PASK: variants seen among roughly 807,000 people sequenced by gnomAD.
The protein encoded by PASK is PAS domain-containing serine/threonine-protein kinase.
Under a neutral mutation model 121.0 loss-of-function variants are expected in PASK, and 110 were observed. That is an observed-to-expected ratio of 0.91 (90% confidence interval 0.78 to 1.06). The LOEUF is 1.06. Among genes scored for constraint, PASK ranks in the 50% least tolerant of loss-of-function variants. The probability of loss-of-function intolerance (pLI) is 0.00; values close to 1 mark genes in which losing one functional copy is unlikely to be tolerated. For synonymous variants in PASK, 686 were observed against 717.8 expected (o/e 0.96, Z 0.71); for missense variants, 1,643 against 1,702.3 (o/e 0.97, Z 0.61).
At chr2:241,128,343 G>A (rs146921869) in intron 9 of PASK, among the ~76,000 whole-genome samples, 130 of 152,308 alleles carry the variant, frequency 8.5e-4, no homozygotes, top group Middle Eastern at 3.4e-3. Flanking sequence ...GGTGAGGGCG[G>A]CTCCTAAGAG....
intron 1 of PASK, among the ~76,000 whole-genome samples, chr2:241,147,619 T>C (rs551034359): frequency 1.3e-5 from 2 of 152,098 alleles, no homozygotes; most frequent in Admixed American, 6.5e-5. Context: ...AGACCCTGTC[T>C]CAAAAAATAA....
At chr2:241,114,271 C>T in intron 14 of PASK, 10 of 985,376 alleles carry the variant, frequency 1.0e-5, no homozygotes, top group Non-Finnish European at 1.1e-5. Flanking sequence ...AACCCAACAA[C>T]CCGAGAGTGT....
In PASK at chr2:241,112,101, T is replaced by C; in HGVS notation, c.3533+139A>G. 2 of 735,410 alleles carry C rather than the reference T, an allele frequency of 2.7e-6. No individual in the cohort carries two copies. Among genetic ancestry groups the C allele is most frequent in the Middle Eastern group, 7.0e-4 (2 of 2,860 alleles). 45.6% of individuals were successfully genotyped at this position (735,410 alleles called of 1,614,324 possible). ...TGACCTTGCCTGCCTGCCCACTTAC[T>C]TTCCAGCATATCACCCTGACCACTC... On this transcript the variant is annotated intron_variant, in intron 15 of 17. Coordinates refer to ENST00000234040, the MANE Select transcript of PASK (RefSeq NM_015148.4). This position sits in a 1 kb window ranked among gnomAD's most constrained non-coding sequence, Gnocchi z 5.2.
Position 241,138,717 on chromosome 2 carries a change from T to C in PASK, c.678A>G (p.Leu226=), listed in dbSNP as rs765429138. Residue 226 remains leucine, a synonymous_variant, in exon 5 of 18, where the codon CTA becomes CTG. Coordinates refer to ENST00000234040, the MANE Select transcript of PASK (RefSeq NM_015148.4). The stretch of plus-strand genomic sequence containing the variant: ...CGGGCTCCAGGACCACCACGCAGCA[T>C]AGGCGGCGCTCCTGCCGCATCCTCT... ...WMKRMRQERR[L]CCVVVLEPVE... 6.8e-6 allele frequency: 11 copies of C among 1,614,106 alleles called. No homozygotes were observed. The South Asian group carries it at 7.7e-5, about 11-fold the overall frequency.
At chr2:241,143,803 TG>T in intron 1 of PASK, among the ~76,000 whole-genome samples, 1 of 152,228 alleles carries the variant, frequency 6.6e-6, no homozygotes, top group Admixed American at 6.5e-5. Flanking sequence ...CGACCAGCTG[TG>T]CACAGAATCA....
intron 10 of PASK, among the ~76,000 whole-genome samples, chr2:241,124,690 C>T (rs771747398): frequency 1.5e-4 from 23 of 152,216 alleles, no homozygotes; most frequent in Non-Finnish European, 2.9e-4. Context: ...GGTTAGCTTT[C>T]TTTGGTGGTG....
At chr2:241,132,163 T>C (rs1412058219) in intron 9 of PASK, among the ~76,000 whole-genome samples, 1 of 152,170 alleles carries the variant, frequency 6.6e-6, no homozygotes, top group African/African-American at 2.4e-5. Context: ...ATTTCTACTT[T>C]TCCAAATGTT....
intron 14 of PASK, chr2:241,113,859 A>G (rs2065213774): frequency 1.0e-6 from 1 of 985,450 alleles, no homozygotes; most frequent in Non-Finnish European, 1.2e-6. Context: ...CTGACAGGCA[A>G]TGCCCTGAGA....
rs1266600236 is a variant in PASK, at chr2:241,139,406, C to T, written c.600+479G>A. On this transcript the variant is annotated intron_variant, in intron 4 of 17. Transcript: ENST00000234040. ...GCTCAGTCCTCCACATCCAACTCAG[C>T]TCACCTGTCAACATCCAGGTTGGAC... The T allele has an allele frequency of 2.8e-5, 12 of 425,842 alleles. No homozygotes were observed. The Admixed American group carries it at 3.0e-4, about 11-fold the overall frequency. The allele number at this position is 425,842 out of a possible 1,614,324, so 26.4% of individuals were successfully genotyped here. A position where few individuals can be genotyped will look rare whatever the true frequency, so the allele number is the denominator to read the frequency against.
chr2:241,115,616 GACACCCA>G (rs2065301849), intron 12 of PASK, among the ~76,000 whole-genome samples: 3 of 148,360 alleles, frequency 2.0e-5, no homozygotes, highest in Non-Finnish European at 3.0e-5. Context: ...TTACACCAGG[GACACCCA>G]GTCCTCAAGC....
chr2:241,123,867 G>A (rs529321447), intron 11 of PASK, 82 bp downstream of exon 11: 2 of 1,186,862 alleles, frequency 1.7e-6, no homozygotes, highest in African/African-American at 1.5e-5. Context: ...CGTCCCCAAG[G>A]AAACAGAGAG....
chr2:241,113,865 T>C, intron 14 of PASK: 1 of 985,430 alleles, frequency 1.0e-6, no homozygotes, highest in Non-Finnish European at 1.2e-6. Flanking sequence ...GGCAATGCCC[T>C]GAGAACCAGC....
chr2:241,110,564 G>A (rs1466145286), intron 15 of PASK, among the ~76,000 whole-genome samples: 3 of 152,186 alleles, frequency 2.0e-5, no homozygotes, highest in Non-Finnish European at 2.9e-5. Flanking sequence ...CAGGGCAGGC[G>A]CTCAGGGAGA....
chr2:241,125,590 ACT>A (rs894001700), intron 10 of PASK, among the ~76,000 whole-genome samples: 5 of 142,428 alleles, frequency 3.5e-5, no homozygotes, highest in Admixed American at 1.4e-4. Flanking sequence ...ACAGAGAGAG[ACT>A]CTGTCTCAAA....
chr2:241,139,037 A>G (rs957429193), intron 4 of PASK, among the ~76,000 whole-genome samples: 4 of 152,268 alleles, frequency 2.6e-5, no homozygotes, highest in African/African-American at 9.6e-5. Context: ...GTAATATTGC[A>G]GGGTGAAAAA....
chr2:241,114,474 C>T (rs2125406798), intron 14 of PASK: 2 of 997,528 alleles, frequency 2.0e-6, no homozygotes, highest in Non-Finnish European at 1.2e-6. Context: ...CACGAGTTAC[C>T]GTTTCTTCCC....
intron 8 of PASK, among the ~76,000 whole-genome samples, chr2:241,135,617 G>A (rs1159761255): frequency 6.6e-6 from 1 of 151,948 alleles, no homozygotes; most frequent in Non-Finnish European, 1.5e-5. Context: ...CGGATATCAT[G>A]GGCACTGGTG....
intron 12 of PASK, among the ~76,000 whole-genome samples, chr2:241,122,398 G>T (rs111969978): frequency 3.0e-4 from 46 of 152,334 alleles, no homozygotes; most frequent in African/African-American, 1.0e-3. Context: ...GCATCTCAGT[G>T]GGGAGTAGGA....
intron 7 of PASK, among the ~76,000 whole-genome samples, chr2:241,136,557 T>C (rs2125446259): frequency 6.6e-6 from 1 of 152,354 alleles, no homozygotes; most frequent in Non-Finnish European, 1.5e-5. Flanking sequence ...CAAGTGTCCA[T>C]GCCCCCAAAA....
Sources: gnomAD v4.1 joint callset for allele counts (sites outside exome capture counted in the v4.1 genomes callset) on GRCh38, gnomAD v4.1.1 for gene constraint, Gnocchi (gnomAD v3.1) non-coding constraint, MANE v1.5 for transcripts, NCBI Gene and HGNC (gene_info 2026-07-23, HGNC 2026-07-21) for gene names.